The following NR2C2 variants were observed in gnomAD, a reference collection of about 807,000 sequenced individuals.
The protein encoded by NR2C2 is Nuclear hormone receptor TR4.
Under a neutral mutation model 62.9 loss-of-function variants are expected in NR2C2, and 6 were observed. The ratio of observed to expected loss-of-function variants is 0.10; its 90% CI spans 0.05 to 0.19. The LOEUF is 0.19. Ranked by LOEUF, NR2C2 falls within the 10% of genes least tolerant of loss-of-function variation. The pLI, the probability that NR2C2 is intolerant of heterozygous loss-of-function variation, is 1.00. For missense variants in NR2C2, 479 were observed against 762.7 expected, an observed-to-expected ratio of 0.63 and a Z score of 4.38; for synonymous variants, 272 against 273.8, an observed-to-expected ratio of 0.99 and a Z score of 0.07.
At chr3:15,001,226 C>T (rs994983924) in intron 1 of NR2C2, among the ~76,000 whole-genome samples, 2 of 151,228 alleles carry the variant, frequency 1.3e-5, no homozygotes, top group African/African-American at 4.9e-5. Flanking sequence ...CTTTTTGATG[C>T]ATGGTCAGTG....
intron 1 of NR2C2, among the ~76,000 whole-genome samples, chr3:14,983,316 CTCT>C (rs1406384042): frequency 6.6e-6 from 1 of 151,662 alleles, no homozygotes; most frequent in Non-Finnish European, 1.5e-5. Context: ...TTGTCAGATG[CTCT>C]TTTTTTTTAT....
chr3:14,953,829 A>C (rs1198379988), intron 1 of NR2C2, among the ~76,000 whole-genome samples: 1 of 147,516 alleles, frequency 6.8e-6, no homozygotes, highest in Non-Finnish European at 1.5e-5. Context: ...CGGGAGGTGG[A>C]GGCTGCAGTG....
chr3:14,960,190 A>G (rs2039652049), intron 1 of NR2C2, among the ~76,000 whole-genome samples: 1 of 152,256 alleles, frequency 6.6e-6, no homozygotes, highest in African/African-American at 2.4e-5. Flanking sequence ...GGATAAATTT[A>G]GCCTTATTAA....
chr3:15,033,675 A>G (rs1209955001), intron 10 of NR2C2, among the ~76,000 whole-genome samples: 1 of 116,092 alleles, frequency 8.6e-6, no homozygotes, highest in Non-Finnish European at 1.7e-5. Context: ...AAATAACACC[A>G]CAGTCCACAG....
chr3:15,026,783 T>G (rs2041833682), intron 7 of NR2C2: 1 of 152,250 alleles, frequency 6.6e-6, no homozygotes, highest in African/African-American at 2.4e-5. Context: ...CACTGCAACT[T>G]CTGCCTGCTG....
At chr3:15,030,479 C>T (rs911546794) in intron 9 of NR2C2, 27 bp downstream of exon 9, 1 of 1,540,520 alleles carries the variant, frequency 6.5e-7, no homozygotes, top group Non-Finnish European at 8.7e-7. Flanking sequence ...TAACCATGTG[C>T]CCCCAACCTG....
intron 1 of NR2C2, among the ~76,000 whole-genome samples, chr3:14,985,138 T>G (rs2040480723): frequency 6.6e-6 from 1 of 152,182 alleles, no homozygotes; most frequent in Non-Finnish European, 1.5e-5. Flanking sequence ...GTTATTTCTT[T>G]TCTTGAGTTT....
chr3:15,038,134 C>T lies in NR2C2; in HGVS notation c.1507C>T (p.Pro503Ser), dbSNP rs754275673. The change falls in exon 12 of 14, where the codon CCC becomes TCC. Residue 503 changes from proline to serine, a missense_variant. Coordinates refer to ENST00000425241, the MANE Select transcript of NR2C2 (RefSeq NM_001291694.2). ...CCTTAAAGCTATAGTTCTCTTTAGC[C>T]CCGGTAAGATATGCGGTGGGGATGC... ...AYLKAIVLFS[P>S]DHPGLTSTSQ... The T allele has an allele frequency of 1.2e-6, 2 of 1,609,698 alleles. No individual in the cohort carries two copies. Among genetic ancestry groups the T allele is most frequent in the Admixed American group, 1.7e-5 (1 of 59,322 alleles).
At chr3:15,004,515 T>C (rs773958317) in intron 2 of NR2C2, 3 of 1,572,506 alleles carry the variant, frequency 1.9e-6, no homozygotes, top group Non-Finnish European at 2.6e-6. Context: ...AATATTGTTA[T>C]TAACTAATCG....
At chr3:15,004,544 T>C (rs1387480790) in intron 2 of NR2C2, 1 of 1,605,228 alleles carries the variant, frequency 6.2e-7, no homozygotes, top group African/African-American at 1.3e-5. Flanking sequence ...TTATGGGAAG[T>C]TGTCTTCCCT....
At chr3:15,029,236 C>T (rs1392976159) in intron 8 of NR2C2, among the ~76,000 whole-genome samples, 1 of 151,942 alleles carries the variant, frequency 6.6e-6, no homozygotes, top group Non-Finnish European at 1.5e-5. Context: ...TGCGCCACCA[C>T]CCCCACCCAG....
At chr3:14,977,568 C>A (rs186696200) in intron 1 of NR2C2, among the ~76,000 whole-genome samples, 1 of 152,050 alleles carries the variant, frequency 6.6e-6, no homozygotes, top group East Asian at 1.9e-4. Context: ...TTCTTTCTTA[C>A]ATAGTTGCTT....
chr3:14,995,342 A>C (rs1574976870), intron 1 of NR2C2, among the ~76,000 whole-genome samples: 1 of 146,710 alleles, frequency 6.8e-6, no homozygotes. Context: ...AAAAAACCCC[A>C]CACTCCTTAG....
intron 1 of NR2C2, among the ~76,000 whole-genome samples, chr3:14,960,447 A>G (rs2039659504): frequency 6.6e-6 from 1 of 152,204 alleles, no homozygotes; most frequent in African/African-American, 2.4e-5. Flanking sequence ...AAAGTGAATT[A>G]TTACAGAAAT....
chr3:14,966,111 C>G (rs1221074540), intron 1 of NR2C2, among the ~76,000 whole-genome samples: 1 of 152,106 alleles, frequency 6.6e-6, no homozygotes, highest in Non-Finnish European at 1.5e-5. Context: ...CATTTTAATG[C>G]TAAGTAGTAA....
chr3:15,041,774 T>C (rs1011503865), intron 13 of NR2C2, among the ~76,000 whole-genome samples: 3 of 152,132 alleles, frequency 2.0e-5, no homozygotes, highest in Non-Finnish European at 4.4e-5. Flanking sequence ...GGAGACTCAC[T>C]TGAGCCTGGG....
intron 4 of NR2C2, among the ~76,000 whole-genome samples, chr3:15,016,883 G>A (rs1271884471): frequency 6.6e-6 from 1 of 152,230 alleles, no homozygotes; most frequent in East Asian, 1.9e-4. Context: ...ATTGGGTAAA[G>A]TGAGACTGAA....
At chr3:14,987,739 C>T (rs544281418) in intron 1 of NR2C2, among the ~76,000 whole-genome samples, 1 of 152,266 alleles carries the variant, frequency 6.6e-6, no homozygotes, top group East Asian at 1.9e-4. Context: ...GTTGTGTTCC[C>T]AGTGCCTGAA....
At chr3:14,949,003 G>T (rs573876204) in intron 1 of NR2C2, among the ~76,000 whole-genome samples, 22 of 152,152 alleles carry the variant, frequency 1.4e-4, no homozygotes, top group African/African-American at 5.1e-4. Context: ...TTAAAAATGG[G>T]ATTACAGCCA....
Sources: gnomAD v4.1 joint callset for allele counts (sites outside exome capture counted in the v4.1 genomes callset) on GRCh38, gnomAD v4.1.1 for gene constraint, MANE v1.5 for transcripts, NCBI Gene and HGNC (gene_info 2026-07-23, HGNC 2026-07-21) for gene names.